ADAMTS15: variants seen among roughly 807,000 people sequenced by gnomAD.
The protein encoded by ADAMTS15 is A disintegrin and metalloproteinase with thrombospondin motifs 15.
A neutral mutation model predicts 79.1 loss-of-function variants in ADAMTS15; 35 were observed. The ratio of observed to expected loss-of-function variants is 0.44; its 90% CI spans 0.34 to 0.59. The LOEUF (loss-of-function observed/expected upper bound fraction) is 0.59. Among genes scored for constraint, ADAMTS15 ranks in the 20% least tolerant of loss-of-function variants. The pLI is 0.02. For missense variants in ADAMTS15, 1,324 were observed against 1,318.7 expected, an observed-to-expected ratio of 1.00 and a Z score of -0.06; for synonymous variants, 616 against 567.3, an observed-to-expected ratio of 1.09 and a Z score of -1.22.
rs750486379 is a variant in ADAMTS15 at position 130,459,180 on chromosome 11, C to T, written c.958-2309C>T. The stretch of plus-strand genomic sequence containing the variant: ...CCTCCTACCAGCCTGGCCAACATGG[C>T]GAAACCCCATCTCTACTACAAATAC... On this transcript the variant is annotated intron_variant, in intron 1 of 7. Transcript: ENST00000299164. 9.9e-5 allele frequency among the ~76,000 whole-genome samples: 15 copies of T among 152,020 alleles called. No homozygotes were observed. In the South Asian group the frequency reaches 1.5e-3, roughly 15 times the overall value.
Position 130,475,159 on chromosome 11 carries a change from G to A in ADAMTS15, c.*1338G>A, listed in dbSNP as rs1358148180. ...GTGGCTTCCTGCTCCCCACAGCCCA[G>A]CCCCCTGTTGGGGCTCCAAAGCCGA... On this transcript the variant is annotated 3_prime_UTR_variant, in exon 8 of 8. Coordinates refer to ENST00000299164, the MANE Select transcript of ADAMTS15 (RefSeq NM_139055.4). The A allele has an allele frequency of 6.6e-6, 1 of 152,300 alleles. No individual in the cohort carries two copies. Among genetic ancestry groups the A allele is most frequent in the African/African-American group, 2.4e-5 (1 of 41,464 alleles). The allele number at this position is 152,300 out of a possible 1,614,324, so 9.4% of individuals were successfully genotyped here.
rs1565397628 is a variant in ADAMTS15 at position 130,470,153 on chromosome 11, T to TATATATATATATAC, written c.1720+714_1720+715insATATATATATATAC. Among the ~76,000 whole-genome samples, 41 of 45,508 alleles carry TATATATATATATAC rather than the reference T, an allele frequency of 9.0e-4. 1 individual carries two copies. Among genetic ancestry groups the TATATATATATATAC allele is most frequent in the African/African-American group, 4.2e-3 (39 of 9,234 alleles). The allele number at this position is 45,508 out of a possible 152,430, so 29.9% of individuals were successfully genotyped here. Reference sequence around the variant, plus strand: ...ATATACATATATATATATATATATGTGTATATATATATATATATATATATA... The same window carrying TATATATATATATAC: ...ATATACATATATATATATATATATGTATATATATATATACGTATATATATATATATATATATATA... On this transcript the variant is annotated intron_variant, in intron 5 of 7. Transcript: ENST00000299164.
intron 5 of ADAMTS15, among the ~76,000 whole-genome samples, chr11:130,470,182 G>GTATATATATATATA (rs1407250375): frequency 2.7e-5 from 2 of 72,740 alleles, no homozygotes; most frequent in South Asian, 8.1e-4. Context: ...ATATATATAT[G>GTATATATATATATA]TGTGTATATA....
In ADAMTS15 at chr11:130,449,666, C is replaced by T; in HGVS notation, c.693C>T (p.Val231=). ...ETLVVADESM[V]KFHGADLEHY... ...TGGTGGTCGCGGACGAGTCAATGGT[C>T]AAGTTCCACGGCGCGGACCTGGAAC... Residue 231 remains valine (V), a synonymous_variant, in exon 1 of 8, where the codon GTC becomes GTT. Transcript: ENST00000299164. The surrounding 1 kb of genome is among the most constrained non-coding windows in gnomAD (Gnocchi z 7.8). 1 of 1,600,648 alleles carries T rather than the reference C, an allele frequency of 6.2e-7. No individual in the cohort carries two copies. The highest frequency in any genetic ancestry group is 1.1e-5 in the South Asian group (1 of 89,314).
At chr11:130,470,198 ATATATATATATG>A (rs1565397910) in intron 5 of ADAMTS15, among the ~76,000 whole-genome samples, 18 of 50,918 alleles carry the variant, frequency 3.5e-4, no homozygotes, top group African/African-American at 1.1e-3. Flanking sequence ...ATATATATAT[ATATATATATATG>A]TATATATATA....
At chr11:130,456,233 C>G (rs1371995976) in intron 1 of ADAMTS15, among the ~76,000 whole-genome samples, 3 of 152,146 alleles carry the variant, frequency 2.0e-5, no homozygotes, top group Non-Finnish European at 4.4e-5. Flanking sequence ...TAACTGTTAG[C>G]TATTATCGCT....
Position 130,462,451 on chromosome 11 carries a change from C to T in ADAMTS15, c.1259-46C>T. 6.5e-7 allele frequency: 1 copy of T among 1,547,086 alleles called. No individual in the cohort carries two copies. On this transcript the variant is annotated intron_variant, in intron 3 of 7. Coordinates refer to ENST00000299164, the MANE Select transcript of ADAMTS15 (RefSeq NM_139055.4). The surrounding 1 kb of genome is among the most constrained non-coding windows in gnomAD (Gnocchi z 4.3). ...CATTCAGATTCTGGGCTAGCCAAAC[C>T]TCATCTTCCCAGCTCATCCTAACGA...
chr11:130,449,585 G>T lies in ADAMTS15; in HGVS notation c.612G>T (p.Arg204=), dbSNP rs1254235374. 1.2e-6 allele frequency: 2 copies of T among 1,600,594 alleles called. No individual in the cohort carries two copies. The highest frequency in any genetic ancestry group is 1.7e-6 in the Non-Finnish European group (2 of 1,173,704). ...RRAGFGESRS[R]RRSGRAKRFV... ...CGGGCTTCGGGGAGAGTCGTAGCCGGCGCAGGTCTGGGCGCGCCAAGCGTT... is the reference window on the plus strand; with the variant it reads ...CGGGCTTCGGGGAGAGTCGTAGCCGTCGCAGGTCTGGGCGCGCCAAGCGTT... The change falls in exon 1 of 8, where the codon CGG becomes CGT. Residue 204 remains arginine (R), a synonymous_variant. Coordinates refer to ENST00000299164, the MANE Select transcript of ADAMTS15 (RefSeq NM_139055.4). The surrounding 1 kb of genome is among the most constrained non-coding windows in gnomAD (Gnocchi z 7.8).
At chr11:130,458,274 G>A (rs530297989) in intron 1 of ADAMTS15, among the ~76,000 whole-genome samples, 1 of 152,116 alleles carries the variant, frequency 6.6e-6, no homozygotes, top group Non-Finnish European at 1.5e-5. Flanking sequence ...TGCCCAGGCT[G>A]GTCTTGACCT....
At chr11:130,458,018 G>A (rs1201104526) in intron 1 of ADAMTS15, among the ~76,000 whole-genome samples, 1 of 152,048 alleles carries the variant, frequency 6.6e-6, no homozygotes, top group Non-Finnish European at 1.5e-5. Context: ...ACTTCTTGAT[G>A]GAAAGAACAG....
chr11:130,473,872 C>A lies in ADAMTS15; in HGVS notation c.*51C>A. ...ACTCTCCACCCCACTGATATGCCAG[C>A]GTTCTGCCAGCTGGAGTAGCGGGCA... On this transcript the variant is annotated 3_prime_UTR_variant, in exon 8 of 8. Coordinates refer to ENST00000299164, the MANE Select transcript of ADAMTS15 (RefSeq NM_139055.4). 6.6e-7 allele frequency: 1 copy of A among 1,522,090 alleles called. No homozygotes were observed. Among genetic ancestry groups the A allele is most frequent in the South Asian group, 1.3e-5 (1 of 79,822 alleles). The allele number at this position is 1,522,090 out of a possible 1,614,324, so 94.3% of individuals were successfully genotyped here.
At chr11:130,470,802 T>A in intron 5 of ADAMTS15, 118 bp from the exon 6 acceptor site, 2 of 1,169,956 alleles carry the variant, frequency 1.7e-6, no homozygotes, top group Non-Finnish European at 1.2e-6. Context: ...AGGTTGCAGC[T>A]TTGGTGATGA....
rs758282171 is a variant in ADAMTS15, at chr11:130,471,276, T to G, written c.1971T>G (p.Ala657=). ...SVCVQGKCIK[A]GCDGNLGSKK... Reference sequence around the variant, plus strand: ...GTGTCCAAGGCAAGTGCATCAAGGCTGGCTGTGATGGGAACCTGGGCTCCA... The same window carrying G: ...GTGTCCAAGGCAAGTGCATCAAGGCGGGCTGTGATGGGAACCTGGGCTCCA... Residue 657 remains alanine, a synonymous_variant, in exon 7 of 8, where the codon GCT becomes GCG. Coordinates refer to ENST00000299164, the MANE Select transcript of ADAMTS15 (RefSeq NM_139055.4). The G allele has an allele frequency of 6.2e-7, 1 of 1,613,082 alleles. No homozygotes were observed. The highest frequency in any genetic ancestry group is 1.3e-5 in the African/African-American group (1 of 74,822).
Position 130,462,836 on chromosome 11 carries a change from G to A in ADAMTS15, c.1542+56G>A, listed in dbSNP as rs182317880. The A allele has an allele frequency of 5.0e-5, 77 of 1,534,530 alleles. No homozygotes were observed. The South Asian group carries it at 5.5e-4, about 11-fold the overall frequency. Reference sequence around the variant, plus strand: ...CTGCTGGGAGGAGGGATGGAGACCCGGGGGCCTCGTCTGCCCTTGGTCTTC... The same window carrying A: ...CTGCTGGGAGGAGGGATGGAGACCCAGGGGCCTCGTCTGCCCTTGGTCTTC... On this transcript the variant is annotated intron_variant, in intron 4 of 7. Transcript: ENST00000299164. The surrounding 1 kb of genome is among the most constrained non-coding windows in gnomAD (Gnocchi z 4.3).
Position 130,461,541 on chromosome 11 carries a change from C to G in ADAMTS15, c.1010C>G (p.Thr337Ser). The change falls in exon 2 of 8, where the codon ACC becomes AGC. Residue 337 changes from threonine to serine, a missense_variant. Coordinates refer to ENST00000299164, the MANE Select transcript of ADAMTS15 (RefSeq NM_139055.4). ...CDTLGMADVG[T>S]MCDPKRSCSV... The stretch of plus-strand genomic sequence containing the variant: ...ACCCTGGGCATGGCTGATGTGGGTA[C>G]CATGTGTGACCCCAAGAGAAGCTGC... 6.2e-7 allele frequency: 1 copy of G among 1,614,170 alleles called. No individual in the cohort carries two copies. Among genetic ancestry groups the G allele is most frequent in the Non-Finnish European group, 8.5e-7 (1 of 1,180,038 alleles).
intron 4 of ADAMTS15, 78 bp from the exon 5 acceptor site, chr11:130,469,184 A>G (rs1298979979): frequency 8.0e-7 from 1 of 1,251,928 alleles, no homozygotes; most frequent in Non-Finnish European, 1.0e-6. Flanking sequence ...GAGGCTGTAC[A>G]GTGTAGTTTT....
Position 130,473,549 on chromosome 11 carries a change from A to G in ADAMTS15, c.2581A>G (p.Lys861Glu). 2 of 1,604,186 alleles carry G rather than the reference A, an allele frequency of 1.2e-6. No homozygotes were observed. Among genetic ancestry groups the G allele is most frequent in the Non-Finnish European group, 1.7e-6 (2 of 1,174,482 alleles). ...CGCGAGCTGCGGCAGTGGCCTGCAGAAGCGGGCGGTGGACTGCCGGGGCTC... is the reference window on the plus strand; with the variant it reads ...CGCGAGCTGCGGCAGTGGCCTGCAGGAGCGGGCGGTGGACTGCCGGGGCTC... The part of the protein sequence containing the change: ...CSASCGSGLQ[K>E]RAVDCRGSAG... The change falls in exon 8 of 8, where the codon AAG becomes GAG. Residue 861 changes from lysine (K) to glutamate (E), a missense_variant. Transcript: ENST00000299164.
rs1302546611 is a variant in ADAMTS15 at position 130,462,623 on chromosome 11, T to C, written c.1385T>C (p.Met462Thr). 6.2e-7 allele frequency: 1 copy of C among 1,613,958 alleles called. No individual in the cohort carries two copies. ...FGVGSKPCPYMQYCTKLWCTG... is the reference protein window; with the variant it reads ...FGVGSKPCPYTQYCTKLWCTG... ...GTGGGCTCCAAGCCCTGTCCTTACA[T>C]GCAGTACTGCACCAAGCTGTGGTGC... The change falls in exon 4 of 8, where the codon ATG (methionine) becomes ACG (threonine). Residue 462 changes from methionine (M) to threonine (T), a missense_variant. Transcript: ENST00000299164. The surrounding 1 kb of genome is among the most constrained non-coding windows in gnomAD (Gnocchi z 4.3).
rs772728169 is a variant in ADAMTS15, at chr11:130,473,050, T to G, written c.2082T>G (p.His694Gln). Reference protein sequence around the residue: ...KVTGLFTKPMHGYNFVVAIPA... With the variant: ...KVTGLFTKPMQGYNFVVAIPA... ...CGGCCCCCCTTTCCCCCGCCAGGCA[T>G]GGCTACAATTTCGTGGTGGCCATCC... The change falls in exon 8 of 8, where the codon CAT (histidine) becomes CAG (glutamine). Residue 694 changes from histidine to glutamine, a missense_variant. By Grantham distance (24) the His-to-Gln change is conservative. Transcript: ENST00000299164. 1 of 1,613,060 alleles carries G rather than the reference T, an allele frequency of 6.2e-7. No individual in the cohort carries two copies. Among genetic ancestry groups the G allele is most frequent in the South Asian group, 1.1e-5 (1 of 91,064 alleles).
Sources: allele counts gnomAD v4.1 joint callset (sites outside exome capture counted in the v4.1 genomes callset), GRCh38; gene constraint gnomAD v4.1.1; non-coding constraint Gnocchi (gnomAD v3.1); transcripts MANE v1.5; gene names NCBI Gene and HGNC (gene_info 2026-07-23, HGNC 2026-07-21).